Variants in CACNA1A observed in about 807,000 individuals in gnomAD.
CACNA1A encodes voltage-dependent P/Q-type calcium channel subunit alpha-1A.
A neutral mutation model predicts 262.4 loss-of-function variants in CACNA1A; 57 were observed. The observed-to-expected ratio is 0.22, with a 90% confidence interval of 0.18 to 0.27. The LOEUF is 0.27. Ranked by LOEUF, CACNA1A falls within the 10% of genes least tolerant of loss-of-function variation. The probability of loss-of-function intolerance (pLI) is 1.00; values close to 1 mark genes in which losing one functional copy is unlikely to be tolerated. For missense variants in CACNA1A, 2,526 were observed against 3,562.8 expected, an observed-to-expected ratio of 0.71 and a Z score of 7.41; for synonymous variants, 1,431 against 1,419.3, an observed-to-expected ratio of 1.01 and a Z score of -0.18.
At chr19:13,429,203 CACA>C (rs2060458932) in intron 3 of CACNA1A, among the ~76,000 whole-genome samples, 1 of 145,962 alleles carries the variant, frequency 6.9e-6, no homozygotes, top group Non-Finnish European at 1.5e-5. Context: ...CACACACACA[CACA>C]CCCCTCTTTC....
At chr19:13,238,741 A>G (rs1425663561) in intron 31 of CACNA1A, among the ~76,000 whole-genome samples, 1 of 151,838 alleles carries the variant, frequency 6.6e-6, no homozygotes, top group Admixed American at 6.6e-5. Context: ...ACCTGCCACC[A>G]CGCCTGGCTA....
rs978433129 is a variant in CACNA1A, at chr19:13,398,988, A to G, written c.540-27209T>C. Reference sequence around the variant, plus strand: ...GCTCAGGAAACAATATTACATTCCCATGATCCTCCTGCGATCCCAGGAGGG... The same window carrying G: ...GCTCAGGAAACAATATTACATTCCCGTGATCCTCCTGCGATCCCAGGAGGG... On this transcript the variant is annotated intron_variant, in intron 3 of 46. Transcript: ENST00000360228. Among the ~76,000 whole-genome samples the G allele has an allele frequency of 4.6e-5, 7 of 152,146 alleles. No individual in the cohort carries two copies. The East Asian group carries it at 1.2e-3, about 25-fold the overall frequency.
At chr19:13,349,027 A>AGAGAGAG (rs1555771362) in intron 6 of CACNA1A, among the ~76,000 whole-genome samples, 3 of 137,740 alleles carry the variant, frequency 2.2e-5, no homozygotes, top group African/African-American at 6.2e-5. Flanking sequence ...AAAAAAAAAA[A>AGAGAGAG]AGAGAGACAA....
At chr19:13,419,715 A>C (rs1177916949) in intron 3 of CACNA1A, among the ~76,000 whole-genome samples, 1 of 152,118 alleles carries the variant, frequency 6.6e-6, no homozygotes, top group African/African-American at 2.4e-5. Context: ...TGTCAGTTAA[A>C]CAAGATCTGT....
intron 34 of CACNA1A, 91 bp from the exon 35 acceptor site, chr19:13,231,951 T>C: frequency 1.4e-6 from 2 of 1,381,532 alleles, no homozygotes; most frequent in Non-Finnish European, 2.0e-6. Flanking sequence ...CGTTGAGCAC[T>C]TGGGCTCTGG....
intron 3 of CACNA1A, 56 bp from the exon 4 acceptor site, chr19:13,371,835 C>T (rs757011398): frequency 3.9e-6 from 5 of 1,297,958 alleles, no homozygotes; most frequent in Non-Finnish European, 5.5e-6. Context: ...GGTCAGACAG[C>T]AGGGCGGGGG....
intron 2 of CACNA1A, among the ~76,000 whole-genome samples, chr19:13,454,700 T>C (rs934458142): frequency 6.6e-6 from 1 of 152,172 alleles, no homozygotes; most frequent in African/African-American, 2.4e-5. Context: ...TTAACAATGT[T>C]CATTTGAGTA....
chr19:13,298,075 G>A (rs1428768625), intron 19 of CACNA1A, among the ~76,000 whole-genome samples: 1 of 151,260 alleles, frequency 6.6e-6, no homozygotes, highest in East Asian at 1.9e-4. Context: ...CGCCCGCCTC[G>A]GCCTCTCAAA....
At chr19:13,316,206 C>T (rs1247909334) in intron 11 of CACNA1A, 1 of 152,188 alleles carries the variant, frequency 6.6e-6, no homozygotes, top group Non-Finnish European at 1.5e-5. Flanking sequence ...GATCCACCCA[C>T]CTCAGCCTCC....
At chr19:13,288,606 C>T (rs2057461640) in intron 19 of CACNA1A, among the ~76,000 whole-genome samples, 1 of 152,046 alleles carries the variant, frequency 6.6e-6, no homozygotes, top group African/African-American at 2.4e-5. Flanking sequence ...CAGGAGAGAT[C>T]CCACAGCCTC....
At chr19:13,267,951 G>A (rs1022784391) in intron 24 of CACNA1A, among the ~76,000 whole-genome samples, 7 of 151,764 alleles carry the variant, frequency 4.6e-5, no homozygotes, top group African/African-American at 9.7e-5. Context: ...TTGTAGAGAC[G>A]GGGGTCTCAT....
chr19:13,213,886 A>G (rs772319016), intron 40 of CACNA1A: 2 of 213,236 alleles, frequency 9.4e-6, no homozygotes, highest in Non-Finnish European at 1.9e-5. Flanking sequence ...GGGTCTTTCT[A>G]TGTTGCCCAG....
chr19:13,372,423 C>T (rs2059340099), intron 3 of CACNA1A, among the ~76,000 whole-genome samples: 1 of 152,098 alleles, frequency 6.6e-6, no homozygotes, highest in South Asian at 2.1e-4. Context: ...CCACCCGCCT[C>T]GGCCTCCCAA....
intron 3 of CACNA1A, among the ~76,000 whole-genome samples, chr19:13,409,847 C>T (rs61607007): frequency 0.061 from 9,231 of 152,228 alleles, 939 homozygotes; most frequent in African/African-American, 0.21. Context: ...GGATTACAGG[C>T]ATGCACCACT....
At chr19:13,302,004 C>T (rs142441765) in intron 17 of CACNA1A, among the ~76,000 whole-genome samples, 19 of 152,228 alleles carry the variant, frequency 1.2e-4, no homozygotes, top group African/African-American at 4.1e-4. Flanking sequence ...AGAACCAGTG[C>T]TGGGCCCTGG....
At chr19:13,349,385 C>G (rs1262137489) in intron 6 of CACNA1A, among the ~76,000 whole-genome samples, 1 of 152,140 alleles carries the variant, frequency 6.6e-6, no homozygotes, top group Non-Finnish European at 1.5e-5. Flanking sequence ...GTCCTGTACC[C>G]CATGAAGTGA....
At chr19:13,457,539 T>C (rs1340174152) in intron 1 of CACNA1A, among the ~76,000 whole-genome samples, 1 of 152,028 alleles carries the variant, frequency 6.6e-6, no homozygotes, top group African/African-American at 2.4e-5. Flanking sequence ...TAGAATGGAA[T>C]AGTATTCAGC....
chr19:13,351,198 C>G (rs568406980), intron 6 of CACNA1A, among the ~76,000 whole-genome samples: 1 of 152,118 alleles, frequency 6.6e-6, no homozygotes, highest in Non-Finnish European at 1.5e-5. Context: ...AGCCCACTCT[C>G]AAAGTAGGGG....
chr19:13,217,989 T>TG (rs2055081948), intron 38 of CACNA1A, among the ~76,000 whole-genome samples: 2 of 147,990 alleles, frequency 1.4e-5, no homozygotes, highest in African/African-American at 5.0e-5. Flanking sequence ...TTGCCTAGGC[T>TG]GGTCTCGAAC....
Sources: gnomAD v4.1 joint callset for allele counts (sites outside exome capture counted in the v4.1 genomes callset) on GRCh38, gnomAD v4.1.1 for gene constraint, MANE v1.5 for transcripts, NCBI Gene and HGNC (gene_info 2026-07-23, HGNC 2026-07-21) for gene names.